The following ANKRD33 variants were observed in gnomAD, a reference collection of about 807,000 sequenced individuals.
ANKRD33 encodes photoreceptor ankyrin repeat protein.
Under a neutral mutation model 20.6 loss-of-function variants are expected in ANKRD33, and 20 were observed. The ratio of observed to expected loss-of-function variants is 0.97; its 90% CI spans 0.68 to 1.41. The LOEUF is 1.41. ANKRD33 is among the 40% of genes most tolerant of loss of function. The pLI, the probability that ANKRD33 is intolerant of heterozygous loss-of-function variation, is 0.00. For synonymous variants in ANKRD33, 246 were observed against 245.0 expected (o/e 1.00, Z -0.04); for missense variants, 545 against 579.6 (o/e 0.94, Z 0.61).
chr12:51,888,640 G>A lies in ANKRD33; in HGVS notation c.218G>A (p.Arg73Lys). ...CLEEEELALH[R>K]RRLDMSEALP... ...GAAGAGGAAGAGCTGGCATTGCACAGGAGACGGCTGGACATGTCTGAGGCA... is the reference window on the plus strand; with the variant it reads ...GAAGAGGAAGAGCTGGCATTGCACAAGAGACGGCTGGACATGTCTGAGGCA... Residue 73 changes from arginine to lysine, a missense_variant, in exon 2 of 5, where the codon AGG (arginine) becomes AAG (lysine). Arg to Lys is a conservative substitution (Grantham distance 26, BLOSUM62 2). Transcript: ENST00000301190. 6.2e-7 allele frequency: 1 copy of A among 1,602,348 alleles called. No individual in the cohort carries two copies. The highest frequency in any genetic ancestry group is 8.5e-7 in the Non-Finnish European group (1 of 1,174,294).
At position 51,888,622 on chromosome 12, in the gene ANKRD33, A is replaced by C; in HGVS notation, c.200A>C (p.Glu67Ala). The stretch of plus-strand genomic sequence containing the variant: ...CTTCTGGTTCCCTGCCTGGAAGAGG[A>C]AGAGCTGGCATTGCACAGGAGACGG... Reference protein sequence around the residue: ...THLLVPCLEEEELALHRRRLD... With the variant: ...THLLVPCLEEAELALHRRRLD... The change falls in exon 2 of 5, where the codon GAA becomes GCA. Residue 67 changes from glutamate to alanine, a missense_variant. Transcript: ENST00000301190. 6.3e-7 allele frequency: 1 copy of C among 1,579,450 alleles called. No individual in the cohort carries two copies. Among genetic ancestry groups the C allele is most frequent in the South Asian group, 1.2e-5 (1 of 86,808 alleles).
chr12:51,889,831 C>T, intron 4 of ANKRD33: 1 of 336,580 alleles, frequency 3.0e-6, no homozygotes, highest in Non-Finnish European at 5.5e-6. Context: ...GAGTGGCTTC[C>T]CTCTTTGGGC....
Position 51,888,719 on chromosome 12 carries a change from G to T in ANKRD33, c.297G>T (p.Leu99=). ...TPTPGCRLGA[L]YWACVHNDPT... ...CCCCAGGCTGCAGGCTGGGGGCCCTGTATTGGGCCTGTGTCCACAATGATC... is the reference window on the plus strand; with the variant it reads ...CCCCAGGCTGCAGGCTGGGGGCCCTTTATTGGGCCTGTGTCCACAATGATC... Residue 99 remains leucine (L), a synonymous_variant, in exon 2 of 5, where the codon CTG becomes CTT. Coordinates refer to ENST00000301190, the MANE Select transcript of ANKRD33 (RefSeq NM_182608.4). 1 of 1,614,064 alleles carries T rather than the reference G, an allele frequency of 6.2e-7. No homozygotes were observed. The highest frequency in any genetic ancestry group is 8.5e-7 in the Non-Finnish European group (1 of 1,180,000).
rs1312826911 is a variant in ANKRD33 at position 51,888,193 on chromosome 12, G to A, written c.7G>A (p.Val3Ile). The A allele has an allele frequency of 6.2e-7, 1 of 1,614,052 alleles. No homozygotes were observed. The highest frequency in any genetic ancestry group is 1.7e-5 in the Admixed American group (1 of 59,944). The change falls in exon 1 of 5, where the codon GTC becomes ATC. Residue 3 changes from valine to isoleucine, a missense_variant. Physicochemically the swap from Val to Ile is conservative, Grantham distance 29. Transcript: ENST00000301190. MK[V>I]QPSVTCVASW... ...GTGTTTGCAGCAGCTCTTTATGAAAGTCCAGCCATCTGTTACCTGCGTTGC... is the reference window on the plus strand; with the variant it reads ...GTGTTTGCAGCAGCTCTTTATGAAAATCCAGCCATCTGTTACCTGCGTTGC...
rs1379631969 is a variant in ANKRD33 at position 51,888,123 on chromosome 12, G to A, written c.-64G>A. 4 of 1,586,996 alleles carry A rather than the reference G, an allele frequency of 2.5e-6. No individual in the cohort carries two copies. The highest frequency in any genetic ancestry group is 2.6e-6 in the Non-Finnish European group (3 of 1,165,060). On this transcript the variant is annotated 5_prime_UTR_variant, in exon 1 of 5. Coordinates refer to ENST00000301190, the MANE Select transcript of ANKRD33 (RefSeq NM_182608.4). ...CTCCTGAGACGTGACCACCCGCCCCGCATGGGGCCCCAGTCCCAGCTGCTT... is the reference window on the plus strand; with the variant it reads ...CTCCTGAGACGTGACCACCCGCCCCACATGGGGCCCCAGTCCCAGCTGCTT...
At chr12:51,889,029 AG>A in intron 2 of ANKRD33, 37 bp from the exon 3 acceptor site, 1 of 1,613,480 alleles carries the variant, frequency 6.2e-7, no homozygotes, top group Non-Finnish European at 8.5e-7. Context: ...GGAGTGGCCC[AG>A]GGGGAAAGCA....
chr12:51,890,851 G>A lies in ANKRD33; in HGVS notation c.905G>A (p.Gly302Glu). ...CCCTTTGCCCCGTCTCCTCAGGAGG[G>A]GGGTGTTCTGGACCACCTTGTGACT... ...SLPFAPSPQE[G>E]GVLDHLVTAT... is the part of the protein sequence containing the mutation. Residue 302 changes from glycine to glutamate, a missense_variant, in exon 5 of 5, where the codon GGG becomes GAG. Gly to Glu is a moderately conservative substitution (Grantham distance 98). Coordinates refer to ENST00000301190, the MANE Select transcript of ANKRD33 (RefSeq NM_182608.4). The A allele has an allele frequency of 6.2e-7, 1 of 1,612,916 alleles. No individual in the cohort carries two copies. Among genetic ancestry groups the A allele is most frequent in the African/African-American group, 1.3e-5 (1 of 75,018 alleles).
intron 4 of ANKRD33, 156 bp downstream of exon 4, chr12:51,889,638 C>T: frequency 7.4e-7 from 1 of 1,357,850 alleles, no homozygotes; most frequent in Non-Finnish European, 9.8e-7. Flanking sequence ...CAATCTAGTT[C>T]ACCTTCCTGG....
At position 51,890,692 on chromosome 12, in the gene ANKRD33, G is replaced by A. The variant is rs147364846; in HGVS notation, c.746G>A (p.Arg249Gln). The A allele has an allele frequency of 1.4e-4, 224 of 1,604,450 alleles. 1 individual carries two copies. The highest frequency in any genetic ancestry group is 2.1e-4 in the South Asian group (19 of 91,086). The change falls in exon 5 of 5, where the codon CGG becomes CAG. Residue 249 changes from arginine to glutamine, a missense_variant. Coordinates refer to ENST00000301190, the MANE Select transcript of ANKRD33 (RefSeq NM_182608.4). ...TVWRIRQLLR[R>Q]PQVEQLSQHY... ...TGGAGGATTCGGCAGCTGCTGAGGCGGCCCCAAGTGGAGCAGCTTAGCCAG... is the reference window on the plus strand; with the variant it reads ...TGGAGGATTCGGCAGCTGCTGAGGCAGCCCCAAGTGGAGCAGCTTAGCCAG...
intron 2 of ANKRD33, 118 bp downstream of exon 2, chr12:51,888,936 A>C (rs1295138747): frequency 3.8e-6 from 6 of 1,581,632 alleles, no homozygotes; most frequent in Non-Finnish European, 5.2e-6. Flanking sequence ...CCTAAGGAGG[A>C]AGGGAATGGT....
At chr12:51,888,524 G>A in intron 1 of ANKRD33, 44 bp from the exon 2 acceptor site, 1 of 1,548,348 alleles carries the variant, frequency 6.5e-7, no homozygotes, top group Non-Finnish European at 8.7e-7. Context: ...CCCTCCCTAG[G>A]ATCCAGGGAG....
At position 51,891,317 on chromosome 12, in the gene ANKRD33, A is replaced by C. The variant is rs202069826; in HGVS notation, c.*12A>C. On this transcript the variant is annotated 3_prime_UTR_variant, in exon 5 of 5. Transcript: ENST00000301190. ...TGGCACAGAAGTAGGGGAAGATGGG[A>C]TAGGACAGGCTGGGAACAGGTAATC... 3.3e-4 allele frequency: 524 copies of C among 1,611,808 alleles called. 1 individual carries two copies. The Middle Eastern group carries it at 9.1e-3, about 28-fold the overall frequency.
rs370141005 is a variant in ANKRD33 at position 51,890,730 on chromosome 12, G to T, written c.784G>T (p.Glu262Ter). 7 of 1,604,088 alleles carry T rather than the reference G, an allele frequency of 4.4e-6. No individual in the cohort carries two copies. Among genetic ancestry groups the T allele is most frequent in the Non-Finnish European group, 5.1e-6 (6 of 1,179,922 alleles). Residue 262 changes from glutamate to a stop codon, truncating the protein, a stop_gained, in exon 5 of 5, where the codon GAG becomes TAG. Transcript: ENST00000301190. LOFTEE classifies it low-confidence loss of function (END_TRUNC). ...VEQLSQHYKP[E>*]WPALSGLVAQ... is the part of the protein sequence containing the mutation. ...GCAGCTTAGCCAGCACTACAAGCCC[G>T]AGTGGCCGGCCTTGTCCGGGCTCGT...
In ANKRD33 at chr12:51,888,176, A is replaced by G. The variant is rs1413927364; in HGVS notation, c.-11A>G. On this transcript the variant is annotated 5_prime_UTR_variant, in exon 1 of 5. Coordinates refer to ENST00000301190, the MANE Select transcript of ANKRD33 (RefSeq NM_182608.4). ...TCCGGCTCAGCCCCGAGGTGTTTGC[A>G]GCAGCTCTTTATGAAAGTCCAGCCA... The G allele has an allele frequency of 6.2e-7, 1 of 1,613,660 alleles. No individual in the cohort carries two copies. Among genetic ancestry groups the G allele is most frequent in the African/African-American group, 1.3e-5 (1 of 75,032 alleles).
rs773338009 is a variant in ANKRD33 at position 51,891,056 on chromosome 12, C to T, written c.1110C>T (p.Phe370=). The change falls in exon 5 of 5, where the codon TTC becomes TTT. Residue 370 remains phenylalanine (F), a synonymous_variant. Coordinates refer to ENST00000301190, the MANE Select transcript of ANKRD33 (RefSeq NM_182608.4). ...PGSPQRSPWV[F]VPYQSPQGIL... ...GTCCCCAGAGGTCCCCGTGGGTCTT[C>T]GTCCCCTACCAGAGCCCTCAGGGCA... 1.5e-5 allele frequency: 25 copies of T among 1,613,962 alleles called. No homozygotes were observed. Among genetic ancestry groups the T allele is most frequent in the African/African-American group, 5.3e-5 (4 of 74,886 alleles).
rs1352630392 is a variant in ANKRD33 at position 51,891,584 on chromosome 12, C to T, written c.*279C>T. ...CTCTACAGTGTATTCTAAAATAAGA[C>T]TAAGGAAGCTGTTTATATTCTGATA... is the stretch of plus-strand genomic sequence containing the variant. On this transcript the variant is annotated 3_prime_UTR_variant, in exon 5 of 5. Coordinates refer to ENST00000301190, the MANE Select transcript of ANKRD33 (RefSeq NM_182608.4). 1 of 466,760 alleles carries T rather than the reference C, an allele frequency of 2.1e-6. No homozygotes were observed. The highest frequency in any genetic ancestry group is 3.7e-5 in the Admixed American group (1 of 26,840). 28.9% of individuals were successfully genotyped at this position (466,760 alleles called of 1,614,324 possible).
rs144402270 is a variant in ANKRD33, at chr12:51,889,473, C to T, written c.628C>T (p.Arg210Trp). 3.2e-5 allele frequency: 51 copies of T among 1,613,828 alleles called. No individual in the cohort carries two copies. The highest frequency in any genetic ancestry group is 1.7e-4 in the Middle Eastern group (1 of 6,056). Residue 210 changes from arginine to tryptophan, a missense_variant, in exon 4 of 5, where the codon CGG becomes TGG. Coordinates refer to ENST00000301190, the MANE Select transcript of ANKRD33 (RefSeq NM_182608.4). ...CACGGCGTTAATGAAGGCTGCCATG[C>T]GGAACCGCTGTGAGTGCGTGGCCAC... ...GLTALMKAAM[R>W]NRCADLTAVD...
In ANKRD33 at chr12:51,888,679, G is replaced by A. The variant is rs1465503422; in HGVS notation, c.257G>A (p.Gly86Asp). The A allele has an allele frequency of 1.2e-6, 2 of 1,612,380 alleles. No homozygotes were observed. Among genetic ancestry groups the A allele is most frequent in the African/African-American group, 1.3e-5 (1 of 74,902 alleles). The change falls in exon 2 of 5, where the codon GGC (glycine) becomes GAC (aspartate). Residue 86 changes from glycine to aspartate, a missense_variant. Transcript: ENST00000301190. ...LDMSEALPCP[G>D]KETPTPGCRL... Reference sequence around the variant, plus strand: ...ATGTCTGAGGCACTGCCCTGCCCGGGCAAGGAGACCCCCACCCCAGGCTGC... The same window carrying A: ...ATGTCTGAGGCACTGCCCTGCCCGGACAAGGAGACCCCCACCCCAGGCTGC...
Position 51,888,676 on chromosome 12 carries a change from C to T in ANKRD33, c.254C>T (p.Pro85Leu), listed in dbSNP as rs150919589. The stretch of plus-strand genomic sequence containing the variant: ...GACATGTCTGAGGCACTGCCCTGCC[C>T]GGGCAAGGAGACCCCCACCCCAGGC... ...RLDMSEALPCPGKETPTPGCR... is the reference protein window; with the variant it reads ...RLDMSEALPCLGKETPTPGCR... Residue 85 changes from proline to leucine, a missense_variant, in exon 2 of 5, where the codon CCG (proline) becomes CTG (leucine). Pro to Leu is a moderately conservative substitution (Grantham distance 98, BLOSUM62 -3). Transcript: ENST00000301190. The T allele has an allele frequency of 2.7e-4, 430 of 1,612,220 alleles. 1 individual carries two copies. In the African/African-American group the frequency reaches 3.5e-3, roughly 13 times the overall value.
Sources: allele counts gnomAD v4.1 joint callset, GRCh38; gene constraint gnomAD v4.1.1; transcripts MANE v1.5; gene names NCBI Gene and HGNC (gene_info 2026-07-23, HGNC 2026-07-21).